The following PTPN2 variants were observed in gnomAD, a reference collection of about 807,000 sequenced individuals.
The protein encoded by PTPN2 is protein tyrosine phosphatase non-receptor type 2, also known as tyrosine-protein phosphatase non-receptor type 2.
A neutral mutation model predicts 57.3 loss-of-function variants in PTPN2; 19 were observed. The observed-to-expected ratio is 0.33, with a 90% CI of 0.23 to 0.49. The LOEUF (loss-of-function observed/expected upper bound fraction) is 0.49. PTPN2 is among the 20% of genes least tolerant of loss of function. The probability of loss-of-function intolerance (pLI) is 0.99; values close to 1 mark genes in which losing one functional copy is unlikely to be tolerated. For synonymous variants in PTPN2, 153 were observed against 164.9 expected (o/e 0.93, Z 0.55); for missense variants, 358 against 501.1 (o/e 0.71, Z 2.73).
chr18:12,840,819 T>C (rs2043020493), intron 2 of PTPN2: 2 of 1,597,964 alleles, frequency 1.3e-6, no homozygotes, highest in Non-Finnish European at 1.7e-6. Context: ...CTTTTCACGT[T>C]GCTCTCCACT....
At chr18:12,819,132 A>T in intron 5 of PTPN2, 1 of 532,690 alleles carries the variant, frequency 1.9e-6, no homozygotes, top group Non-Finnish European at 3.0e-6. Context: ...AGTAGAAATT[A>T]AGACTTCTAT....
At chr18:12,810,047 T>C (rs2041836985) in intron 7 of PTPN2, among the ~76,000 whole-genome samples, 1 of 152,142 alleles carries the variant, frequency 6.6e-6, no homozygotes, top group African/African-American at 2.4e-5. Context: ...CTGGGTGTGG[T>C]GGCACATGCC....
chr18:12,793,041 C>G lies in PTPN2; in HGVS notation c.*1237G>C. 1 of 985,380 alleles carries G rather than the reference C, an allele frequency of 1.0e-6. No individual in the cohort carries two copies. The highest frequency in any genetic ancestry group is 1.2e-6 in the Non-Finnish European group (1 of 829,894). The allele number at this position is 985,380 out of a possible 1,614,324, so 61.0% of individuals were successfully genotyped here. On this transcript the variant is annotated 3_prime_UTR_variant, in exon 9 of 9. Transcript: ENST00000309660. ...CATCCAATGAGCATAGTTTGAAAAC[C>G]ACTGAAATAAGGTATGCTATCCATA... is the stretch of plus-strand genomic sequence containing the variant.
intron 1 of PTPN2, among the ~76,000 whole-genome samples, chr18:12,859,920 A>G (rs1213949911): frequency 6.6e-6 from 1 of 152,190 alleles, no homozygotes; most frequent in African/African-American, 2.4e-5. Flanking sequence ...TGGGAGGCCG[A>G]GGCAGGCGGA....
chr18:12,838,350 C>T (rs2042938581), intron 2 of PTPN2, among the ~76,000 whole-genome samples: 1 of 152,214 alleles, frequency 6.6e-6, no homozygotes, highest in South Asian at 2.1e-4. Context: ...CCCCACATGG[C>T]ACCACCCCAC....
intron 1 of PTPN2, among the ~76,000 whole-genome samples, chr18:12,873,751 C>T (rs1026327181): frequency 1.3e-5 from 2 of 152,136 alleles, no homozygotes; most frequent in Non-Finnish European, 2.9e-5. Flanking sequence ...GGCCACCCAT[C>T]GTCTGGGATG....
At chr18:12,818,619 T>A (rs1199882762) in intron 5 of PTPN2, among the ~76,000 whole-genome samples, 2 of 152,022 alleles carry the variant, frequency 1.3e-5, no homozygotes, top group Admixed American at 6.5e-5. Flanking sequence ...GGTCTTCCAC[T>A]AATATGTCTT....
intron 2 of PTPN2, among the ~76,000 whole-genome samples, chr18:12,845,941 C>T (rs1441496690): frequency 6.6e-6 from 1 of 152,158 alleles, no homozygotes; most frequent in East Asian, 1.9e-4. Flanking sequence ...TCAAGTTCTA[C>T]CAACTGTCCC....
chr18:12,800,574 T>G (rs1229902374), intron 8 of PTPN2, among the ~76,000 whole-genome samples: 8 of 152,238 alleles, frequency 5.3e-5, no homozygotes, highest in Non-Finnish European at 1.2e-4. Context: ...CACTATAATA[T>G]ATAATAATAC....
chr18:12,814,445 G>A (rs16939888), intron 6 of PTPN2, 90 bp from the exon 7 acceptor site: 54 of 1,114,754 alleles, frequency 4.8e-5, no homozygotes, highest in Non-Finnish European at 6.6e-5. Flanking sequence ...TTTTTGCTAT[G>A]CATTTTCTCC....
intron 2 of PTPN2, among the ~76,000 whole-genome samples, chr18:12,848,073 T>C (rs1007894754): frequency 1.3e-5 from 2 of 152,170 alleles, no homozygotes; most frequent in Non-Finnish European, 2.9e-5. Flanking sequence ...GAAAAAATGT[T>C]AGCAAATATT....
rs68088093 is a variant in PTPN2, at chr18:12,807,568, G to GAAAAAAAAAAAA, written c.859-5429_859-5418dup. On this transcript the variant is annotated intron_variant, in intron 7 of 8. Transcript: ENST00000309660. ...TGAATGGAGGGAGAAAGAAAATGTG[G>GAAAAAAAAAAAA]AAAAAAAAAAAAAAAAAAATATATA... Among the ~76,000 whole-genome samples the GAAAAAAAAAAAA allele has an allele frequency of 4.6e-4, 19 of 41,188 alleles. 1 individual carries two copies. Among genetic ancestry groups the GAAAAAAAAAAAA allele is most frequent in the Non-Finnish European group, 6.2e-4 (13 of 21,134 alleles). 27.0% of individuals were successfully genotyped at this position (41,188 alleles called of 152,430 possible).
downstream of PTPN2, chr18:12,787,197 G>T (rs1416742277): frequency 6.6e-6 from 1 of 152,116 alleles, no homozygotes; most frequent in African/African-American, 2.4e-5. Context: ...GATTTTAACA[G>T]GTAAGAGTGG....
At chr18:12,854,874 G>C (rs2043530127) in intron 2 of PTPN2, among the ~76,000 whole-genome samples, 1 of 152,146 alleles carries the variant, frequency 6.6e-6, no homozygotes. Context: ...CGGTCGGCTG[G>C]GCACAGTGGC....
At chr18:12,807,904 C>G (rs1012699087) in intron 7 of PTPN2, among the ~76,000 whole-genome samples, 1 of 152,016 alleles carries the variant, frequency 6.6e-6, no homozygotes, top group Non-Finnish European at 1.5e-5. Flanking sequence ...ATATTTCAGA[C>G]AGGGTGTGGT....
rs1455114748 is a variant in PTPN2 at position 12,836,837 on chromosome 18, C to T, written c.215G>A (p.Ser72Asn). The change falls in exon 3 of 9, where the codon AGT becomes AAT. Residue 72 changes from serine (S) to asparagine (N), a missense_variant. By Grantham distance (46) the Ser-to-Asn change is conservative (BLOSUM62 1). This residue lies in a region of PTPN2 where 193 missense variants were observed against 315.4 expected (regional missense o/e 0.61). Coordinates refer to ENST00000309660, the MANE Select transcript of PTPN2 (RefSeq NM_002828.4). ...QNAENDYINA[S>N]LVDIEEAQRS... Reference sequence around the variant, plus strand: ...TTGTGCCTCTTCTATGTCAACTAAACTGGCATTAATATAATCATTCTCAGC... The same window carrying T: ...TTGTGCCTCTTCTATGTCAACTAAATTGGCATTAATATAATCATTCTCAGC... The T allele has an allele frequency of 1.2e-6, 2 of 1,611,208 alleles. No individual in the cohort carries two copies. The highest frequency in any genetic ancestry group is 1.7e-6 in the Non-Finnish European group (2 of 1,179,114).
intron 3 of PTPN2, among the ~76,000 whole-genome samples, chr18:12,835,345 G>A (rs939952075): frequency 6.3e-5 from 9 of 142,846 alleles, no homozygotes; most frequent in African/African-American, 7.8e-5. Flanking sequence ...AGTCTGATGC[G>A]TTAAAATAAG....
chr18:12,844,064 TG>T (rs1253106523), intron 2 of PTPN2: 1 of 152,272 alleles, frequency 6.6e-6, no homozygotes, highest in East Asian at 1.9e-4. Flanking sequence ...GAAACTGGAT[TG>T]TTTTCACCCA....
chr18:12,799,192 GAGGAT>G (rs1448124777), intron 8 of PTPN2, among the ~76,000 whole-genome samples: 1 of 152,114 alleles, frequency 6.6e-6, no homozygotes, highest in Non-Finnish European at 1.5e-5. Context: ...GCTGAGGCGG[GAGGAT>G]CACAAGGTCA....
Sources: gnomAD v4.1 joint callset for allele counts (sites outside exome capture counted in the v4.1 genomes callset) on GRCh38, gnomAD v4.1.1 for gene constraint, gnomAD v4.1.1 regional missense constraint, MANE v1.5 for transcripts, NCBI Gene and HGNC (gene_info 2026-07-23, HGNC 2026-07-21) for gene names.